The following NHEJ1 variants were observed in gnomAD, a reference collection of about 807,000 sequenced individuals.
NHEJ1 encodes the protein non-homologous end-joining factor 1.
NHEJ1 carries 22 observed loss-of-function variants against 39.4 expected under a neutral mutation model. The observed-to-expected ratio is 0.56, with a 90% CI of 0.40 to 0.80. The LOEUF (loss-of-function observed/expected upper bound fraction) is 0.80, where lower values mean the gene tolerates loss of function less well. NHEJ1 is among the 30% of genes least tolerant of loss of function. NHEJ1 has a pLI of 0.00. For missense variants in NHEJ1, 329 were observed against 357.1 expected, an observed-to-expected ratio of 0.92 and a Z score of 0.63; for synonymous variants, 154 against 135.6, an observed-to-expected ratio of 1.14 and a Z score of -0.94.
intron 5 of NHEJ1, among the ~76,000 whole-genome samples, chr2:219,117,976 C>T (rs1949431937): frequency 1.3e-5 from 2 of 152,326 alleles, no homozygotes; most frequent in South Asian, 2.1e-4. Flanking sequence ...ATTCCTTCTC[C>T]ATGCAAATAC....
At position 219,080,641 on chromosome 2, in the gene NHEJ1, T is replaced by G. The variant is rs965545250; in HGVS notation, c.589-2435A>C. Among the ~76,000 whole-genome samples, 29 of 104,916 alleles carry G rather than the reference T, an allele frequency of 2.8e-4. 1 individual carries two copies. Among genetic ancestry groups the G allele is most frequent in the Admixed American group, 1.2e-3 (14 of 11,258 alleles). The allele number at this position is 104,916 out of a possible 152,430, so 68.8% of individuals were successfully genotyped here. A position where few individuals can be genotyped will look rare whatever the true frequency, so the allele number is the denominator to read the frequency against. Reference sequence around the variant, plus strand: ...TATATATATGCTAATATATATAAGCTTATATATATGCTAATATATATAAGC... The same window carrying G: ...TATATATATGCTAATATATATAAGCGTATATATATGCTAATATATATAAGC... On this transcript the variant is annotated intron_variant, in intron 5 of 7. Transcript: ENST00000356853.
rs1407149312 is a variant in NHEJ1 at position 219,075,995 on chromosome 2, A to G, written c.*386T>C. 9 of 357,328 alleles carry G rather than the reference A, an allele frequency of 2.5e-5. No individual in the cohort carries two copies. Among genetic ancestry groups the G allele is most frequent in the Middle Eastern group, 7.9e-4 (1 of 1,270 alleles). 22.1% of individuals were successfully genotyped at this position (357,328 alleles called of 1,614,324 possible). On this transcript the variant is annotated 3_prime_UTR_variant, in exon 8 of 8. Coordinates refer to ENST00000356853, the MANE Select transcript of NHEJ1 (RefSeq NM_024782.3). ...AGGGACTGTGAGTGCTTTTTATTCC[A>G]TGCAAAAGAGAGAAGTGGGTCTCTG...
At chr2:219,119,348 G>A (rs1949448862) in intron 5 of NHEJ1, among the ~76,000 whole-genome samples, 1 of 152,176 alleles carries the variant, frequency 6.6e-6, no homozygotes, top group Non-Finnish European at 1.5e-5. Context: ...AAGGAGTCTT[G>A]CCAGGGACAG....
At position 219,111,672 on chromosome 2, in the gene NHEJ1, C is replaced by T. The variant is rs1183103949; in HGVS notation, c.589-33466G>A. On this transcript the variant is annotated intron_variant, in intron 5 of 7. Coordinates refer to ENST00000356853, the MANE Select transcript of NHEJ1 (RefSeq NM_024782.3). The surrounding 1 kb of genome is among the most constrained non-coding windows in gnomAD (Gnocchi z 4.1). ...ACACACACACACACACAGAGAGATA[C>T]ATACAGTCAGTGGGAAAGAAGGGGA... Among the ~76,000 whole-genome samples the T allele has an allele frequency of 1.6e-5, 2 of 128,914 alleles. No homozygotes were observed. The highest frequency in any genetic ancestry group is 5.2e-5 in the African/African-American group (2 of 38,254). 84.6% of individuals were successfully genotyped at this position (128,914 alleles called of 152,430 possible).
rs571516716 is a variant in NHEJ1, at chr2:219,082,589, C to T, written c.589-4383G>A. On this transcript the variant is annotated intron_variant, in intron 5 of 7. Coordinates refer to ENST00000356853, the MANE Select transcript of NHEJ1 (RefSeq NM_024782.3). ...AGGCTAGATCTGATCTACTGCTCACCCTATAAATATGGACCCACAGTCTGA... is the reference window on the plus strand; with the variant it reads ...AGGCTAGATCTGATCTACTGCTCACTCTATAAATATGGACCCACAGTCTGA... 2.6e-5 allele frequency among the ~76,000 whole-genome samples: 4 copies of T among 152,288 alleles called. No homozygotes were observed. The South Asian group carries it at 8.3e-4, about 32-fold the overall frequency.
chr2:219,102,961 C>T (rs1387113908), intron 5 of NHEJ1, among the ~76,000 whole-genome samples: 6 of 140,350 alleles, frequency 4.3e-5, no homozygotes, highest in Admixed American at 7.1e-5. Flanking sequence ...GCCGAGATCC[C>T]GCCACTGCAC....
chr2:219,123,372 G>A (rs1022277728), intron 5 of NHEJ1, among the ~76,000 whole-genome samples: 1 of 152,184 alleles, frequency 6.6e-6, no homozygotes, highest in Admixed American at 6.5e-5. Context: ...TTCTACGACT[G>A]ATGCAGTGAG....
At chr2:219,112,170 C>G (rs1212925762) in intron 5 of NHEJ1, among the ~76,000 whole-genome samples, 1 of 152,140 alleles carries the variant, frequency 6.6e-6, no homozygotes, top group Non-Finnish European at 1.5e-5. Flanking sequence ...CTTTTGAACC[C>G]TGGCCCTTGG....
chr2:219,078,876 C>T (rs1366798926), intron 5 of NHEJ1, among the ~76,000 whole-genome samples: 1 of 152,180 alleles, frequency 6.6e-6, no homozygotes, highest in Non-Finnish European at 1.5e-5. Context: ...AGCGTGCACA[C>T]ACACACACAC....
chr2:219,149,147 G>C (rs1322163604), intron 3 of NHEJ1, among the ~76,000 whole-genome samples: 2 of 152,086 alleles, frequency 1.3e-5, no homozygotes, highest in Non-Finnish European at 2.9e-5. Flanking sequence ...GCCTCCCAAA[G>C]TGCTGGGATT....
chr2:219,142,066 C>A (rs1174924235), intron 5 of NHEJ1, among the ~76,000 whole-genome samples: 2 of 152,158 alleles, frequency 1.3e-5, no homozygotes, highest in Non-Finnish European at 2.9e-5. Context: ...TAAAACTAGG[C>A]AGAATATAAC....
At chr2:219,110,953 G>A (rs752764492) in intron 5 of NHEJ1, among the ~76,000 whole-genome samples, 7 of 152,208 alleles carry the variant, frequency 4.6e-5, no homozygotes, top group South Asian at 2.1e-4. Context: ...GAACATGCTC[G>A]CAAGCAGAAA....
intron 5 of NHEJ1, among the ~76,000 whole-genome samples, chr2:219,091,298 A>G (rs1453709175): frequency 6.6e-6 from 1 of 152,124 alleles, no homozygotes; most frequent in Non-Finnish European, 1.5e-5. Context: ...CCGCAGTCCT[A>G]GATTCCTGTG....
At chr2:219,114,769 TG>T (rs1221581044) in intron 5 of NHEJ1, among the ~76,000 whole-genome samples, 1 of 152,146 alleles carries the variant, frequency 6.6e-6, no homozygotes, top group Non-Finnish European at 1.5e-5. Flanking sequence ...GAACTATATC[TG>T]TAATCCAGAA....
chr2:219,154,890 A>G (rs1949836171), intron 3 of NHEJ1, among the ~76,000 whole-genome samples: 1 of 147,222 alleles, frequency 6.8e-6, no homozygotes, highest in Non-Finnish European at 1.5e-5. Context: ...TATATAATAC[A>G]TTATATTATA....
chr2:219,130,890 A>G (rs1163696496), intron 5 of NHEJ1, among the ~76,000 whole-genome samples: 4 of 152,052 alleles, frequency 2.6e-5, no homozygotes, highest in African/African-American at 7.2e-5. Flanking sequence ...GGAGTTCAAG[A>G]CCAGCCTGGG....
chr2:219,131,972 T>C (rs1241816809), intron 5 of NHEJ1, among the ~76,000 whole-genome samples: 1 of 152,368 alleles, frequency 6.6e-6, no homozygotes, highest in Non-Finnish European at 1.5e-5. Flanking sequence ...GTCAGAGTCC[T>C]GGGCTCTGGT....
intron 2 of NHEJ1, among the ~76,000 whole-genome samples, 195 bp downstream of exon 2, chr2:219,157,991 T>TCACACACACACACA (rs58103413): frequency 1.7e-4 from 17 of 99,176 alleles, no homozygotes; most frequent in African/African-American, 5.1e-4. Flanking sequence ...TCTCTCTCTC[T>TCACACACACACACA]CACACACACA....
intron 5 of NHEJ1, among the ~76,000 whole-genome samples, chr2:219,104,245 T>G (rs1949294077): frequency 6.6e-6 from 1 of 152,158 alleles, no homozygotes; most frequent in African/African-American, 2.4e-5. Flanking sequence ...CAGGACCAGG[T>G]ACAGACTGAA....
Sources: gnomAD v4.1 joint callset for allele counts (sites outside exome capture counted in the v4.1 genomes callset) on GRCh38, gnomAD v4.1.1 for gene constraint, Gnocchi (gnomAD v3.1) non-coding constraint, MANE v1.5 for transcripts, NCBI Gene and HGNC (gene_info 2026-07-23, HGNC 2026-07-21) for gene names.